RBFOX3: variants seen among roughly 807,000 people sequenced by gnomAD.
RBFOX3 encodes RNA binding protein fox-1 homolog 3.
A neutral mutation model predicts 48.7 loss-of-function variants in RBFOX3; 17 were observed. The ratio of observed to expected loss-of-function variants is 0.35; its 90% CI spans 0.24 to 0.52. RBFOX3 has a LOEUF of 0.52. RBFOX3 is among the 20% of genes least tolerant of loss of function. RBFOX3 has a pLI of 0.94. For missense variants in RBFOX3, 382 were observed against 497.5 expected (o/e 0.77, Z 2.21); for synonymous variants, 212 against 209.5 (o/e 1.01, Z -0.10).
rs148251402 is a variant in RBFOX3 at position 79,399,575 on chromosome 17, C to T, written c.-175+82879G>A. The stretch of plus-strand genomic sequence containing the variant: ...AGCAAAATCCCACACGGTGGCCGCA[C>T]CAGGGCCCAGCAGGCCACGCTCTCC... On this transcript the variant is annotated intron_variant, in intron 2 of 14. Transcript: ENST00000693108. 5.2e-3 allele frequency among the ~76,000 whole-genome samples: 786 copies of T among 152,168 alleles called. 10 individuals carry two copies. Among genetic ancestry groups the T allele is most frequent in the African/African-American group, 0.018 (764 of 41,486 alleles).
chr17:79,319,934 G>A (rs1347193400), intron 2 of RBFOX3, among the ~76,000 whole-genome samples: 3 of 135,742 alleles, frequency 2.2e-5, no homozygotes, highest in African/African-American at 8.9e-5. Context: ...CTATGTCTGG[G>A]CTGTTGGTCT....
intron 4 of RBFOX3, among the ~76,000 whole-genome samples, chr17:79,175,807 A>G (rs2050407784): frequency 6.6e-6 from 1 of 152,260 alleles, no homozygotes; most frequent in Admixed American, 6.5e-5. Flanking sequence ...TGCGGGGCGC[A>G]GTAGCCTCTG....
At chr17:79,178,306 G>A (rs1329293705) in intron 4 of RBFOX3, among the ~76,000 whole-genome samples, 2 of 152,210 alleles carry the variant, frequency 1.3e-5, no homozygotes, top group African/African-American at 4.8e-5. Flanking sequence ...AGGGTTCAGG[G>A]GAGATCAGGC....
intron 3 of RBFOX3, among the ~76,000 whole-genome samples, chr17:79,304,161 G>C (rs1165561205): frequency 6.6e-6 from 1 of 152,064 alleles, no homozygotes; most frequent in African/African-American, 2.4e-5. Flanking sequence ...TGGAAATAGG[G>C]TTGGTGGTTA....
chr17:79,511,315 A>G (rs1238256162), intron 1 of RBFOX3, among the ~76,000 whole-genome samples: 1 of 152,124 alleles, frequency 6.6e-6, no homozygotes, highest in East Asian at 1.9e-4. Flanking sequence ...ATGACATGTT[A>G]CCTATGCATT....
intron 4 of RBFOX3, chr17:79,233,657 G>C (rs2147831126): frequency 6.6e-6 from 1 of 151,958 alleles, no homozygotes; most frequent in East Asian, 1.9e-4. Context: ...GCCCAGGCTG[G>C]AGTAAGTGGT....
intron 1 of RBFOX3, among the ~76,000 whole-genome samples, chr17:79,560,634 C>G (rs1282202513): frequency 2.0e-5 from 3 of 152,192 alleles, no homozygotes; most frequent in African/African-American, 4.8e-5. Flanking sequence ...CTCCCCACAT[C>G]TAAGCCTGCC....
chr17:79,665,512 G>C, the RBFOX3 span, among the ~76,000 whole-genome samples: 1 of 151,524 alleles, frequency 6.6e-6, no homozygotes, highest in African/African-American at 2.4e-5. Flanking sequence ...GCCTCTCTTT[G>C]CCCAAGTATA....
At chr17:79,260,956 C>T (rs141271598) in intron 3 of RBFOX3, among the ~76,000 whole-genome samples, 266 of 152,296 alleles carry the variant, frequency 1.7e-3, no homozygotes, top group African/African-American at 6.1e-3. Context: ...TTTGCACCAA[C>T]TCCAGCCTCT....
chr17:79,231,195 C>G (rs1021039651), intron 4 of RBFOX3, among the ~76,000 whole-genome samples: 4 of 152,140 alleles, frequency 2.6e-5, no homozygotes, highest in African/African-American at 7.2e-5. Flanking sequence ...GAGAAGACAG[C>G]TGGACAGAGA....
At chr17:79,342,483 C>G (rs1250166170) in intron 2 of RBFOX3, among the ~76,000 whole-genome samples, 1 of 152,176 alleles carries the variant, frequency 6.6e-6, no homozygotes, top group Non-Finnish European at 1.5e-5. Flanking sequence ...AGGTGAGCAC[C>G]TCGGGCCTCC....
At chr17:79,405,179 C>T (rs868808524) in intron 2 of RBFOX3, among the ~76,000 whole-genome samples, 6 of 152,258 alleles carry the variant, frequency 3.9e-5, no homozygotes, top group Middle Eastern at 3.4e-3. Context: ...AGGAGTTTGA[C>T]GGTGACGGCT....
chr17:79,427,318 A>C (rs1475708328), intron 2 of RBFOX3, among the ~76,000 whole-genome samples: 2 of 152,174 alleles, frequency 1.3e-5, no homozygotes, highest in Admixed American at 1.3e-4. Flanking sequence ...TGAGGCTCTA[A>C]GGTCCTGGGA....
At chr17:79,606,500 C>T (rs1405202316) in intron 1 of RBFOX3, among the ~76,000 whole-genome samples, 1 of 152,164 alleles carries the variant, frequency 6.6e-6, no homozygotes, top group Non-Finnish European at 1.5e-5. Flanking sequence ...AGACTGAGCT[C>T]GCCCCGAGCT....
intron 4 of RBFOX3, among the ~76,000 whole-genome samples, chr17:79,133,286 G>A (rs1220216859): frequency 6.6e-6 from 1 of 152,166 alleles, no homozygotes; most frequent in Non-Finnish European, 1.5e-5. Context: ...GCCCAGCCTT[G>A]TCCATCCATG....
chr17:79,321,160 T>A (rs1216495615), intron 2 of RBFOX3, among the ~76,000 whole-genome samples: 2 of 152,212 alleles, frequency 1.3e-5, no homozygotes, highest in Non-Finnish European at 2.9e-5. Context: ...AGATGAGAAC[T>A]GCAATGGGCT....
chr17:79,248,912 C>T (rs2063537002), intron 3 of RBFOX3, among the ~76,000 whole-genome samples: 4 of 152,232 alleles, frequency 2.6e-5, no homozygotes, highest in African/African-American at 9.6e-5. Context: ...TGCAGCTCAG[C>T]GGGCAGCTGG....
chr17:79,282,675 C>T (rs1001372111), intron 3 of RBFOX3, among the ~76,000 whole-genome samples: 3 of 152,244 alleles, frequency 2.0e-5, no homozygotes, highest in African/African-American at 4.8e-5. Flanking sequence ...GCAGGGGAAG[C>T]CACCTCTGCC....
At chr17:79,431,345 C>G (rs971120977) in intron 2 of RBFOX3, among the ~76,000 whole-genome samples, 1 of 152,190 alleles carries the variant, frequency 6.6e-6, no homozygotes, top group African/African-American at 2.4e-5. Context: ...CGGAGTTTCA[C>G]TCTTGTCCCC....
Sources: gnomAD v4.1 joint callset for allele counts (sites outside exome capture counted in the v4.1 genomes callset) on GRCh38, gnomAD v4.1.1 for gene constraint, MANE v1.5 for transcripts, NCBI Gene and HGNC (gene_info 2026-07-23, HGNC 2026-07-21) for gene names.